Variants in TCEA2 observed in about 807,000 individuals in gnomAD.
The protein encoded by TCEA2 is transcription elongation factor A2, also known as transcription elongation factor A protein 2.
Under a neutral mutation model 40.8 loss-of-function variants are expected in TCEA2, and 21 were observed. The observed-to-expected ratio is 0.51, with a 90% confidence interval of 0.36 to 0.74. The LOEUF is 0.74. TCEA2 is among the 30% of genes least tolerant of loss of function. TCEA2 has a pLI of 0.00. For missense variants in TCEA2, 326 were observed against 426.5 expected, an observed-to-expected ratio of 0.76 and a Z score of 2.08; for synonymous variants, 165 against 162.7, an observed-to-expected ratio of 1.01 and a Z score of -0.11.
chr20:64,072,311 C>A lies in TCEA2; in HGVS notation c.*131C>A. ...TGCCTGCCTGGATTGCACCTTTCTG[C>A]CCTTTCCCCCTCATTATTAAATGTT... is the stretch of plus-strand genomic sequence containing the variant. On this transcript the variant is annotated 3_prime_UTR_variant, in exon 10 of 10. Transcript: ENST00000343484. 1 of 959,518 alleles carries A rather than the reference C, an allele frequency of 1.0e-6. No individual in the cohort carries two copies. The highest frequency in any genetic ancestry group is 1.6e-6 in the Non-Finnish European group (1 of 631,430). 59.4% of individuals were successfully genotyped at this position (959,518 alleles called of 1,614,324 possible).
At chr20:64,063,144 A>T, upstream of TCEA2, 1 of 424,180 alleles carries the variant, frequency 2.4e-6, no homozygotes, top group South Asian at 1.0e-4. Flanking sequence ...TACGCATCCT[A>T]GGATGCCGCG....
At chr20:64,060,956 AT>A (rs939980809), upstream of TCEA2, among the ~76,000 whole-genome samples, 23 of 150,484 alleles carry the variant, frequency 1.5e-4, no homozygotes, top group Non-Finnish European at 1.3e-4. Context: ...TGCCCGGCTA[AT>A]TTTTTTTTGT....
At chr20:64,062,965 G>A (rs950215969), upstream of TCEA2, 4 of 174,322 alleles carry the variant, frequency 2.3e-5, no homozygotes, top group African/African-American at 9.5e-5. Flanking sequence ...TCTGAGCTCT[G>A]GGAGGGGCGT....
chr20:64,055,718 C>T (rs913683663), upstream of TCEA2, among the ~76,000 whole-genome samples: 14 of 152,170 alleles, frequency 9.2e-5, no homozygotes, highest in Middle Eastern at 3.4e-3. The surrounding 1 kb of genome is among the most constrained non-coding windows in gnomAD (Gnocchi z 4.0). Context: ...TCAGCTGCTA[C>T]GTGAAGACGG....
upstream of TCEA2, chr20:64,063,125 C>G (rs1302987496): frequency 5.6e-6 from 2 of 354,968 alleles, no homozygotes; most frequent in African/African-American, 4.4e-5. Flanking sequence ...GGCAGGCGGG[C>G]GCGTGGACTA....
At chr20:64,060,370 G>A (rs887273625), upstream of TCEA2, among the ~76,000 whole-genome samples, 2 of 152,222 alleles carry the variant, frequency 1.3e-5, no homozygotes, top group South Asian at 2.1e-4. Flanking sequence ...CAGTGTCTTT[G>A]TGGACGGTGG....
At chr20:64,065,362 A>G (rs1202509825) in intron 1 of TCEA2, among the ~76,000 whole-genome samples, 2 of 152,184 alleles carry the variant, frequency 1.3e-5, no homozygotes, top group Non-Finnish European at 2.9e-5. Flanking sequence ...AGCCCCTCCC[A>G]TGGCCTGTGG....
chr20:64,060,821 C>T (rs1483374507), upstream of TCEA2, among the ~76,000 whole-genome samples: 3 of 151,862 alleles, frequency 2.0e-5, no homozygotes, highest in Admixed American at 2.0e-4. Flanking sequence ...CGACGAGTCT[C>T]ACTCTGTTGC....
At chr20:64,070,937 G>C (rs994596860) in intron 8 of TCEA2, among the ~76,000 whole-genome samples, 1 of 149,682 alleles carries the variant, frequency 6.7e-6, no homozygotes, top group African/African-American at 2.5e-5. Context: ...ATGTTGGTGG[G>C]AGGGCCGTGC....
chr20:64,059,953 C>T (rs531315198), upstream of TCEA2, among the ~76,000 whole-genome samples: 94 of 152,232 alleles, frequency 6.2e-4, 1 homozygote, highest in Middle Eastern at 0.017. Context: ...ACTGCTGGCT[C>T]CTTGATAGTG....
chr20:64,066,933 T>C lies in TCEA2; in HGVS notation c.154T>C (p.Ser52Pro). Residue 52 changes from serine to proline, a missense_variant, in exon 3 of 10, where the codon TCT (serine) becomes CCT (proline). Physicochemically the swap from Ser to Pro is moderately conservative, Grantham distance 74. Transcript: ENST00000343484. ...CTCGTAGTCCACCCGAGTCGGGATG[T>C]CTGTCAACGCCCTTCGGAAGCAGAG... ...HLLQSTRVGMSVNALRKQSSD... is the reference protein window; with the variant it reads ...HLLQSTRVGMPVNALRKQSSD... 1 of 1,614,030 alleles carries C rather than the reference T, an allele frequency of 6.2e-7. No homozygotes were observed. Among genetic ancestry groups the C allele is most frequent in the Non-Finnish European group, 8.5e-7 (1 of 1,179,980 alleles).
upstream of TCEA2, among the ~76,000 whole-genome samples, chr20:64,058,808 G>A (rs539204970): frequency 9.3e-4 from 141 of 152,302 alleles, no homozygotes; most frequent in African/African-American, 3.2e-3. The surrounding 1 kb of genome is among the most constrained non-coding windows in gnomAD (Gnocchi z 6.7). Context: ...CATCTGTGCC[G>A]GGTCAGCCAC....
intron 8 of TCEA2, among the ~76,000 whole-genome samples, 195 bp downstream of exon 8, chr20:64,070,830 G>A (rs1160398351): frequency 3.3e-5 from 5 of 152,256 alleles, no homozygotes; most frequent in Admixed American, 2.0e-4. Flanking sequence ...TCCACGGGGC[G>A]GCGTCTTGGG....
chr20:64,056,264 G>C (rs534272856), upstream of TCEA2, among the ~76,000 whole-genome samples: 2 of 152,304 alleles, frequency 1.3e-5, no homozygotes, highest in Admixed American at 6.5e-5. Context: ...CAGAGAGCCG[G>C]GTGCTGCAGT....
chr20:64,064,878 C>T (rs987133500), intron 1 of TCEA2, among the ~76,000 whole-genome samples: 1 of 151,740 alleles, frequency 6.6e-6, no homozygotes, highest in Non-Finnish European at 1.5e-5. Flanking sequence ...GAGTTGTTCC[C>T]CTTCTTAAAG....
upstream of TCEA2, among the ~76,000 whole-genome samples, chr20:64,056,055 G>A (rs1365940031): frequency 6.6e-6 from 1 of 152,104 alleles, no homozygotes; most frequent in African/African-American, 2.4e-5. Flanking sequence ...TGTGGGGGAA[G>A]TGCATTGTTA....
At chr20:64,066,031 G>A (rs1056181533) in intron 1 of TCEA2, 19 of 154,736 alleles carry the variant, frequency 1.2e-4, no homozygotes, top group Non-Finnish European at 2.1e-4. Flanking sequence ...TGCGCATCAG[G>A]GCATCAAGAC....
At chr20:64,059,569 C>G (rs940375710), upstream of TCEA2, among the ~76,000 whole-genome samples, 3 of 121,092 alleles carry the variant, frequency 2.5e-5, no homozygotes, top group Admixed American at 1.9e-4. Flanking sequence ...TGTTCCTTAT[C>G]CATCCTGGCT....
At chr20:64,063,678 C>T (rs2145457679) in intron 1 of TCEA2, 1 of 470,512 alleles carries the variant, frequency 2.1e-6, no homozygotes, top group East Asian at 4.0e-5. Context: ...CAGTCACAGG[C>T]TCCGCACCCT....
Sources: allele counts gnomAD v4.1 joint callset (sites outside exome capture counted in the v4.1 genomes callset), GRCh38; gene constraint gnomAD v4.1.1; non-coding constraint Gnocchi (gnomAD v3.1); transcripts MANE v1.5; gene names NCBI Gene and HGNC (gene_info 2026-07-23, HGNC 2026-07-21).